Variants in SPTA1 observed in about 807,000 individuals in gnomAD.
SPTA1 encodes the protein spectrin alpha, erythrocytic 1, also known as spectrin alpha chain, erythrocytic 1.
SPTA1 carries 177 observed loss-of-function variants against 324.7 expected under a neutral mutation model. The observed-to-expected ratio is 0.55, with a 90% confidence interval of 0.48 to 0.62. The LOEUF (loss-of-function observed/expected upper bound fraction) is 0.62. SPTA1 is among the 20% of genes least tolerant of loss of function. SPTA1 has a pLI of 0.00. For synonymous variants in SPTA1, 1,195 were observed against 1,041.3 expected, an observed-to-expected ratio of 1.15 and a Z score of -2.84; for missense variants, 3,162 against 2,883.6, an observed-to-expected ratio of 1.10 and a Z score of -2.21.
intron 16 of SPTA1, 129 bp downstream of exon 16, chr1:158,666,187 A>G (rs1016607555): frequency 2.5e-6 from 2 of 805,298 alleles, no homozygotes; most frequent in Non-Finnish European, 4.1e-6. Context: ...TGCTCAGAGC[A>G]TATACACCCA....
intron 35 of SPTA1, 143 bp from the exon 36 acceptor site, chr1:158,638,384 G>T: frequency 1.2e-6 from 1 of 834,814 alleles, no homozygotes; most frequent in Non-Finnish European, 2.0e-6. Flanking sequence ...TGTTATACAT[G>T]TTAGCATATG....
At position 158,615,788 on chromosome 1, in the gene SPTA1, A is replaced by G. The variant is rs573742117; in HGVS notation, c.6601-385T>C. On this transcript the variant is annotated intron_variant, in intron 47 of 51. Coordinates refer to ENST00000643759, the MANE Select transcript of SPTA1 (RefSeq NM_003126.4). ...AAAATAAAATTTCCAGAGTCCATGC[A>G]TCATCAATGGCTCACAGTGATCTGC... Among the ~76,000 whole-genome samples the G allele has an allele frequency of 2.6e-5, 4 of 152,320 alleles. No homozygotes were observed. In the South Asian group the frequency reaches 6.2e-4, roughly 24 times the overall value.
Position 158,685,133 on chromosome 1 carries a change from C to T in SPTA1, c.239G>A (p.Ser80Asn), listed in dbSNP as rs186235809. 5 of 1,613,682 alleles carry T rather than the reference C, an allele frequency of 3.1e-6. No individual in the cohort carries two copies. The highest frequency in any genetic ancestry group is 3.4e-6 in the Non-Finnish European group (4 of 1,179,776). ...MEKVNILTDK[S>N]YEDPTNIQGK... ...CTGTATATTAGTTGGGTCTTCATAG[C>T]TCTTATCGGTTAAGATATTGACTTT... Residue 80 changes from serine (S) to asparagine (N), a missense_variant, in exon 2 of 52, where the codon AGC (serine) becomes AAC (asparagine). Ser to Asn is a conservative substitution (Grantham distance 46, BLOSUM62 1). Transcript: ENST00000643759.
At chr1:158,625,158 T>C (rs1650189568) in intron 42 of SPTA1, among the ~76,000 whole-genome samples, 1 of 152,134 alleles carries the variant, frequency 6.6e-6, no homozygotes, top group African/African-American at 2.4e-5. Context: ...AATATGGAGA[T>C]AAAAATGTTT....
intron 51 of SPTA1, 168 bp from the exon 52 acceptor site, chr1:158,611,557 G>C: frequency 1.5e-6 from 1 of 663,872 alleles, no homozygotes; most frequent in East Asian, 3.0e-5. Flanking sequence ...AATTTCTAAT[G>C]AGTAACTTAA....
intron 51 of SPTA1, 166 bp downstream of exon 51, chr1:158,612,651 C>G (rs1020251836): frequency 4.7e-5 from 34 of 720,564 alleles, no homozygotes; most frequent in South Asian, 2.7e-4. Context: ...TGAGTTGGGT[C>G]AAGACAAAAT....
At position 158,662,734 on chromosome 1, in the gene SPTA1, T is replaced by C. The variant is rs1653317032; in HGVS notation, c.2432A>G (p.Glu811Gly). ...GGTGGAAGTAGCTGAGGGTTCAGTC[T>C]CTTGGATCCAGGCCTCCTCATCCTC... is the stretch of plus-strand genomic sequence containing the variant. ...DTEDEEAWIQ[E>G]TEPSATSTYL... is the part of the protein sequence containing the mutation. Residue 811 changes from glutamate to glycine, a missense_variant, in exon 17 of 52, where the codon GAG becomes GGG. By Grantham distance (98) the Glu-to-Gly change is moderately conservative (BLOSUM62 -2). Coordinates refer to ENST00000643759, the MANE Select transcript of SPTA1 (RefSeq NM_003126.4). The C allele has an allele frequency of 6.2e-7, 1 of 1,613,870 alleles. No individual in the cohort carries two copies. Among genetic ancestry groups the C allele is most frequent in the South Asian group, 1.1e-5 (1 of 91,090 alleles).
In SPTA1 at chr1:158,642,798, C is replaced by T. The variant is rs1259463756; in HGVS notation, c.4605+16G>A. ...CGGAATGGTGAAATTTTCCAAGATTCCTATTTTGAACTTGCCTGAATGTTA... is the reference window on the plus strand; with the variant it reads ...CGGAATGGTGAAATTTTCCAAGATTTCTATTTTGAACTTGCCTGAATGTTA... On this transcript the variant is annotated intron_variant, in intron 32 of 51. Coordinates refer to ENST00000643759, the MANE Select transcript of SPTA1 (RefSeq NM_003126.4). 6.2e-7 allele frequency: 1 copy of T among 1,613,716 alleles called. No individual in the cohort carries two copies. The highest frequency in any genetic ancestry group is 1.1e-5 in the South Asian group (1 of 91,008).
rs138405002 is a variant in SPTA1 at position 158,669,072 on chromosome 1, G to A, written c.1833+336C>T. Among the ~76,000 whole-genome samples, 37 of 152,120 alleles carry A rather than the reference G, an allele frequency of 2.4e-4. No homozygotes were observed. In the East Asian group the frequency reaches 5.8e-3, roughly 24 times the overall value. ...TAGACACAACATTTACCTACTATAC[G>A]GATGCAGAGGGGAGCAGAAAAGGTG... is the stretch of plus-strand genomic sequence containing the variant. On this transcript the variant is annotated intron_variant, in intron 14 of 51. Transcript: ENST00000643759.
At chr1:158,674,808 G>T in intron 8 of SPTA1, 133 bp from the exon 9 acceptor site, 1 of 1,245,450 alleles carries the variant, frequency 8.0e-7, no homozygotes, top group South Asian at 1.2e-5. Flanking sequence ...CCTTTTTCCT[G>T]ATTATTTCCT....
In SPTA1 at chr1:158,681,649, G is replaced by T. The variant is rs772799574; in HGVS notation, c.409C>A (p.Arg137Ser). ...EETKAHIEELRHLWDLLLELT... is the reference protein window; with the variant it reads ...EETKAHIEELSHLWDLLLELT... ...TCTAACAGCAGGTCCCACAGGTGGC[G>T]TAGCTCCTCTATATGGGCCTTTAGG... Residue 137 changes from arginine (R) to serine (S), a missense_variant, in exon 4 of 52, where the codon CGC becomes AGC. Physicochemically the swap from Arg to Ser is moderately radical, Grantham distance 110. Transcript: ENST00000643759. 4.5e-5 allele frequency: 73 copies of T among 1,613,524 alleles called. No individual in the cohort carries two copies. The Admixed American group carries it at 1.2e-3, about 27-fold the overall frequency.
chr1:158,652,790 A>T, intron 22 of SPTA1, 137 bp from the exon 23 acceptor site: 2 of 1,008,282 alleles, frequency 2.0e-6, no homozygotes, highest in South Asian at 3.0e-5. Context: ...AGTAGAAGAG[A>T]GGAGGAAATA....
intron 14 of SPTA1, 27 bp downstream of exon 14, chr1:158,669,381 C>T (rs376397225): frequency 1.9e-6 from 3 of 1,613,788 alleles, no homozygotes; most frequent in Non-Finnish European, 2.5e-6. Context: ...CTGATAACTA[C>T]ATCCAGCTCC....
chr1:158,657,363 A>C, intron 19 of SPTA1, 114 bp downstream of exon 19: 1 of 1,128,336 alleles, frequency 8.9e-7, no homozygotes. Context: ...CACTCTGGAA[A>C]CCCCAAATAA....
rs1362927144 is a variant in SPTA1 at position 158,620,342 on chromosome 1, T to C, written c.6245A>G (p.Gln2082Arg). 3 of 1,614,114 alleles carry C rather than the reference T, an allele frequency of 1.9e-6. No individual in the cohort carries two copies. Among genetic ancestry groups the C allele is most frequent in the South Asian group, 1.1e-5 (1 of 91,082 alleles). Reference sequence around the variant, plus strand: ...GGCCAAGAAGTCCTCATGGTCTTTCTGCAGCTGCCGAATTTCATTCAGGGA... The same window carrying C: ...GGCCAAGAAGTCCTCATGGTCTTTCCGCAGCTGCCGAATTTCATTCAGGGA... ...CVSLNEIRQLQKDHEDFLASL... is the reference protein window; with the variant it reads ...CVSLNEIRQLRKDHEDFLASL... Residue 2082 changes from glutamine (Q) to arginine (R), a missense_variant, in exon 44 of 52, where the codon CAG (glutamine) becomes CGG (arginine). Coordinates refer to ENST00000643759, the MANE Select transcript of SPTA1 (RefSeq NM_003126.4).
At chr1:158,680,135 C>T (rs1279770387) in intron 5 of SPTA1, among the ~76,000 whole-genome samples, 1 of 151,968 alleles carries the variant, frequency 6.6e-6, no homozygotes, top group Non-Finnish European at 1.5e-5. Flanking sequence ...TTCCTCAATC[C>T]TCCGAAATAA....
At chr1:158,649,551 T>C (rs935481921) in intron 25 of SPTA1, among the ~76,000 whole-genome samples, 1 of 152,200 alleles carries the variant, frequency 6.6e-6, no homozygotes, top group Non-Finnish European at 1.5e-5. Flanking sequence ...CCACCCAAAG[T>C]GCTGGGATTA....
rs1183140040 is a variant in SPTA1 at position 158,680,718 on chromosome 1, C to T, written c.543G>A (p.Ala181=). ...AGTCTTCACCTAGCTCCACTGATGT[C>T]GCTATAGCCTCCTGTAGACACAGAA... ...LEWIGDKEAI[A]TSVELGEDWE... The change falls in exon 5 of 52, where the codon GCG becomes GCA. Residue 181 remains alanine (A), a synonymous_variant. Transcript: ENST00000643759. 14 of 1,613,562 alleles carry T rather than the reference C, an allele frequency of 8.7e-6. No individual in the cohort carries two copies. Among genetic ancestry groups the T allele is most frequent in the Middle Eastern group, 3.3e-4 (2 of 6,076 alleles).
At chr1:158,658,264 G>A (rs1051173573) in intron 18 of SPTA1, among the ~76,000 whole-genome samples, 2 of 152,160 alleles carry the variant, frequency 1.3e-5, no homozygotes, top group African/African-American at 4.8e-5. Flanking sequence ...CTGAATTGAG[G>A]ACACAGAGAT....
Sources: allele counts gnomAD v4.1 joint callset (sites outside exome capture counted in the v4.1 genomes callset), GRCh38; gene constraint gnomAD v4.1.1; transcripts MANE v1.5; gene names NCBI Gene and HGNC (gene_info 2026-07-23, HGNC 2026-07-21).